MYO6: variants seen among roughly 807,000 people sequenced by gnomAD.
MYO6 encodes the protein unconventional myosin-VI.
In MYO6, 74 loss-of-function variants were observed where a neutral mutation model predicts 178.7. That is an observed-to-expected ratio of 0.41 (90% CI 0.34 to 0.50). The LOEUF is 0.50. Among genes scored for constraint, MYO6 ranks in the 20% least tolerant of loss-of-function variants. MYO6 has a pLI of 0.09. For synonymous variants in MYO6, 477 were observed against 504.6 expected (o/e 0.95, Z 0.73); for missense variants, 1,330 against 1,547.4 (o/e 0.86, Z 2.36).
rs950299508 is a variant in MYO6 at position 75,915,667 on chromosome 6, T to C, written c.*655T>C. Reference sequence around the variant, plus strand: ...ATAGTATCCAGCACAGATTTGCTTTTCTTTGCTAGCACAATGTGTGTTGCT... The same window carrying C: ...ATAGTATCCAGCACAGATTTGCTTTCCTTTGCTAGCACAATGTGTGTTGCT... On this transcript the variant is annotated 3_prime_UTR_variant, in exon 35 of 35. Coordinates refer to ENST00000369977, the MANE Select transcript of MYO6 (RefSeq NM_004999.4). 1 of 152,664 alleles carries C rather than the reference T, an allele frequency of 6.6e-6. No individual in the cohort carries two copies. Among genetic ancestry groups the C allele is most frequent in the Non-Finnish European group, 1.5e-5 (1 of 68,148 alleles). The allele number at this position is 152,664 out of a possible 1,614,324, so 9.5% of individuals were successfully genotyped here. A position where few individuals can be genotyped will look rare whatever the true frequency, so the allele number is the denominator to read the frequency against.
At chr6:75,847,143 GA>G (rs1261983695) in intron 10 of MYO6, among the ~76,000 whole-genome samples, 7 of 152,086 alleles carry the variant, frequency 4.6e-5, no homozygotes, top group Non-Finnish European at 7.4e-5. Flanking sequence ...TTGACTGCAA[GA>G]CTAAAAATTC....
intron 1 of MYO6, among the ~76,000 whole-genome samples, chr6:75,777,608 A>AT (rs1307719975): frequency 1.5e-4 from 22 of 149,714 alleles, no homozygotes; most frequent in African/African-American, 2.7e-4. Flanking sequence ...ATATATATAT[A>AT]TTTTTTTTTG....
chr6:75,839,250 G>T (rs1184484006), intron 7 of MYO6, among the ~76,000 whole-genome samples: 1 of 151,658 alleles, frequency 6.6e-6, no homozygotes. Flanking sequence ...GTGCAGTGGC[G>T]CGATCTCGGC....
chr6:75,751,322 T>G (rs886109111), intron 1 of MYO6, among the ~76,000 whole-genome samples: 1 of 152,226 alleles, frequency 6.6e-6, no homozygotes, highest in African/African-American at 2.4e-5. Flanking sequence ...CTCTCATCTT[T>G]GTAAGTTACA....
At chr6:75,908,129 G>A (rs1170408416) in intron 31 of MYO6, among the ~76,000 whole-genome samples, 5 of 152,092 alleles carry the variant, frequency 3.3e-5, no homozygotes, top group Non-Finnish European at 5.9e-5. Flanking sequence ...TATAAAAAAT[G>A]TCTTGCTTGT....
At position 75,881,817 on chromosome 6, in the gene MYO6, A is replaced by G. The variant is rs1479183643; in HGVS notation, c.2415A>G (p.Lys805=). 2 of 1,613,382 alleles carry G rather than the reference A, an allele frequency of 1.2e-6. No homozygotes were observed. The highest frequency in any genetic ancestry group is 2.7e-5 in the African/African-American group (2 of 74,894). The change falls in exon 23 of 35, where the codon AAA becomes AAG. Residue 805 remains lysine, a splice_region_variant and synonymous_variant. Transcript: ENST00000369977. The part of the protein sequence containing the change: ...KVQWCSLSVI[K]LKNKIKYRAE... Reference sequence around the variant, plus strand: ...AGTGGTGCTCACTCTCAGTCATCAAATGTAGGTGTTTTCCTTTACACCTAT... The same window carrying G: ...AGTGGTGCTCACTCTCAGTCATCAAGTGTAGGTGTTTTCCTTTACACCTAT...
At chr6:75,818,473 T>C (rs761278346) in intron 2 of MYO6, among the ~76,000 whole-genome samples, 1 of 152,212 alleles carries the variant, frequency 6.6e-6, no homozygotes, top group Non-Finnish European at 1.5e-5. Context: ...TAATATCTTA[T>C]TCCCATGATA....
intron 11 of MYO6, among the ~76,000 whole-genome samples, chr6:75,852,763 G>A (rs1775393615): frequency 6.6e-6 from 1 of 152,094 alleles, no homozygotes; most frequent in Admixed American, 6.6e-5. Flanking sequence ...TAGACATTTG[G>A]GTTGTTTCCA....
chr6:75,756,210 C>T (rs1352720373), intron 1 of MYO6, among the ~76,000 whole-genome samples: 1 of 143,614 alleles, frequency 7.0e-6, no homozygotes, highest in African/African-American at 2.5e-5. Context: ...GCCTAGGCAA[C>T]ATAGCCAGAT....
intron 28 of MYO6, among the ~76,000 whole-genome samples, chr6:75,894,135 A>G (rs3798430): frequency 0.13 from 19,803 of 152,146 alleles, 1,373 homozygotes; most frequent in Non-Finnish European, 0.15. Flanking sequence ...ATCAAGCTTT[A>G]TATTTATGCA....
At position 75,867,111 on chromosome 6, in the gene MYO6, T is replaced by A. The variant is rs1048229941; in HGVS notation, c.1944+6T>A. 2.5e-6 allele frequency: 4 copies of A among 1,590,894 alleles called. No individual in the cohort carries two copies. Among genetic ancestry groups the A allele is most frequent in the Non-Finnish European group, 3.4e-6 (4 of 1,170,186 alleles). On this transcript the variant is annotated splice_donor_region_variant and intron_variant, in intron 18 of 34. Transcript: ENST00000369977. ...GCGTGGGAAACAAGTTTAAGGTATT[T>A]GTGTTATTTAATTTTTTTTTTACTA...
At chr6:75,778,382 C>T (rs893097012) in intron 1 of MYO6, among the ~76,000 whole-genome samples, 3 of 151,982 alleles carry the variant, frequency 2.0e-5, no homozygotes, top group Admixed American at 2.0e-4. Flanking sequence ...ATCATGAGGT[C>T]AGGAGATTGA....
intron 1 of MYO6, among the ~76,000 whole-genome samples, chr6:75,776,493 C>G (rs537032992): frequency 6.6e-6 from 1 of 152,280 alleles, no homozygotes; most frequent in Admixed American, 6.5e-5. Context: ...TGAATGCATC[C>G]TTTTGCCAAC....
chr6:75,794,413 C>T (rs931521605), intron 1 of MYO6, among the ~76,000 whole-genome samples: 1 of 152,094 alleles, frequency 6.6e-6, no homozygotes, highest in Admixed American at 6.5e-5. Context: ...TTCAAGCTTT[C>T]AAGTAATAGG....
At chr6:75,821,333 A>G (rs970765989) in intron 2 of MYO6, among the ~76,000 whole-genome samples, 4 of 152,192 alleles carry the variant, frequency 2.6e-5, no homozygotes, top group Admixed American at 2.6e-4. Flanking sequence ...GGGCACATAC[A>G]TATATGACAT....
chr6:75,835,989 C>T (rs1583228293), intron 7 of MYO6, 33 bp downstream of exon 7: 1 of 1,474,198 alleles, frequency 6.8e-7, no homozygotes, highest in Non-Finnish European at 9.5e-7. Context: ...TACGCGTGTA[C>T]TGAAATTAAT....
intron 1 of MYO6, among the ~76,000 whole-genome samples, chr6:75,796,618 A>G (rs1183239394): frequency 1.4e-5 from 2 of 141,978 alleles, no homozygotes; most frequent in East Asian, 4.1e-4. Flanking sequence ...CCCAATGTCT[A>G]TGACTCCCAT....
intron 1 of MYO6, among the ~76,000 whole-genome samples, chr6:75,813,755 G>T (rs1024451263): frequency 3.3e-5 from 5 of 152,144 alleles, no homozygotes; most frequent in African/African-American, 1.2e-4. Flanking sequence ...AGCAGGTGAT[G>T]AATTCTGCTG....
chr6:75,824,566 GCA>G (rs1446447625), intron 3 of MYO6, among the ~76,000 whole-genome samples: 2 of 151,460 alleles, frequency 1.3e-5, no homozygotes, highest in African/African-American at 2.4e-5. Context: ...ACACACACAT[GCA>G]CACACACACA....
Sources: gnomAD v4.1 joint callset for allele counts (sites outside exome capture counted in the v4.1 genomes callset) on GRCh38, gnomAD v4.1.1 for gene constraint, MANE v1.5 for transcripts, NCBI Gene and HGNC (gene_info 2026-07-23, HGNC 2026-07-21) for gene names.